The following CCDC171 variants were observed in gnomAD, a reference collection of about 807,000 sequenced individuals.
CCDC171 encodes the protein coiled-coil domain containing 171.
CCDC171 carries 177 observed loss-of-function variants against 168.2 expected under a neutral mutation model. That is an observed-to-expected ratio of 1.05 (90% CI 0.93 to 1.19). The LOEUF (loss-of-function observed/expected upper bound fraction) is 1.19, where lower values mean the gene tolerates loss of function less well. Ranked by LOEUF, CCDC171 falls within the 50% of genes most tolerant of loss-of-function variation. CCDC171 has a pLI of 0.00. For missense variants in CCDC171, 1,991 were observed against 1,539.0 expected, an observed-to-expected ratio of 1.29 and a Z score of -4.91; for synonymous variants, 687 against 540.8, an observed-to-expected ratio of 1.27 and a Z score of -3.75.
At chr9:16,031,552 T>C (rs1833364061) in intron 6 of CCDC171, among the ~76,000 whole-genome samples, 1 of 152,148 alleles carries the variant, frequency 6.6e-6, no homozygotes, top group East Asian at 1.9e-4. Context: ...AAAAACCAAG[T>C]TGTTCATGGT....
intron 3 of CCDC171, among the ~76,000 whole-genome samples, chr9:15,992,019 A>G (rs1235171886): frequency 6.6e-6 from 1 of 152,238 alleles, no homozygotes; most frequent in Non-Finnish European, 1.5e-5. Context: ...AGCTGGCTCC[A>G]TTCCTTCTGA....
chr9:15,803,645 T>C (rs1199941978), intron 21 of CCDC171, among the ~76,000 whole-genome samples: 1 of 152,196 alleles, frequency 6.6e-6, no homozygotes, highest in Non-Finnish European at 1.5e-5. Flanking sequence ...ACCAGTACCA[T>C]GCTGTTTTGA....
At chr9:15,821,971 A>G in intron 21 of CCDC171, among the ~76,000 whole-genome samples, 1 of 152,058 alleles carries the variant, frequency 6.6e-6, no homozygotes, top group Non-Finnish European at 1.5e-5. Flanking sequence ...CCATGGTAGT[A>G]TTACCAAAAC....
chr9:15,676,397 C>G (rs1175421798), intron 9 of CCDC171, among the ~76,000 whole-genome samples: 1 of 151,994 alleles, frequency 6.6e-6, no homozygotes, highest in Non-Finnish European at 1.5e-5. Context: ...AACTCATTCT[C>G]CATCCGGTTT....
chr9:15,796,316 T>G (rs1485313991), intron 21 of CCDC171, among the ~76,000 whole-genome samples: 3 of 151,666 alleles, frequency 2.0e-5, no homozygotes, highest in African/African-American at 7.3e-5. Context: ...TGATGGATAA[T>G]AAGAAATTAA....
intron 25 of CCDC171, among the ~76,000 whole-genome samples, chr9:15,950,815 A>G (rs1215170980): frequency 2.0e-5 from 3 of 151,866 alleles, no homozygotes; most frequent in African/African-American, 7.2e-5. Context: ...TCCAATTAAA[A>G]GACACAGACT....
chr9:15,930,043 A>C (rs1468049231), intron 25 of CCDC171, among the ~76,000 whole-genome samples: 1 of 151,762 alleles, frequency 6.6e-6, no homozygotes, highest in Non-Finnish European at 1.5e-5. Flanking sequence ...TTAGTTGTGT[A>C]TGTATTAGCA....
intron 2 of CCDC171, among the ~76,000 whole-genome samples, chr9:15,565,029 A>G (rs938479408): frequency 6.6e-6 from 1 of 151,426 alleles, no homozygotes; most frequent in Non-Finnish European, 1.5e-5. Context: ...CAAGACTAAC[A>G]TGTAATTTAC....
chr9:15,941,772 T>C (rs1326152749), intron 25 of CCDC171, among the ~76,000 whole-genome samples: 1 of 151,986 alleles, frequency 6.6e-6, no homozygotes, highest in Non-Finnish European at 1.5e-5. Context: ...CAATATTATA[T>C]AAAAGAAGAC....
At chr9:15,953,125 A>T (rs1451470147) in intron 25 of CCDC171, among the ~76,000 whole-genome samples, 1 of 152,162 alleles carries the variant, frequency 6.6e-6, no homozygotes, top group Admixed American at 6.6e-5. Flanking sequence ...ATCATCTGCA[A>T]AGAAAGATAA....
intron 16 of CCDC171, among the ~76,000 whole-genome samples, chr9:15,738,590 C>T (rs2054640776): frequency 6.6e-6 from 1 of 151,900 alleles, no homozygotes; most frequent in South Asian, 2.1e-4. Context: ...AAAATACTGG[C>T]CTTTAATCTC....
intron 10 of CCDC171, among the ~76,000 whole-genome samples, chr9:15,685,672 A>AAAAAC (rs2050344500): frequency 6.6e-6 from 1 of 152,116 alleles, no homozygotes; most frequent in Non-Finnish European, 1.5e-5. Flanking sequence ...CCAGCATTTA[A>AAAAAC]AAAACAAAAC....
intron 24 of CCDC171, among the ~76,000 whole-genome samples, chr9:15,902,703 C>T (rs143539502): frequency 0.023 from 3,531 of 152,232 alleles, 138 homozygotes; most frequent in African/African-American, 0.081. Context: ...GTGGGTGCAG[C>T]GCACCGAGCA....
intron 23 of CCDC171, among the ~76,000 whole-genome samples, chr9:15,856,916 G>T (rs374107397): frequency 6.6e-6 from 1 of 151,952 alleles, no homozygotes; most frequent in Non-Finnish European, 1.5e-5. Flanking sequence ...TAGGTATGAG[G>T]TGATACCTCA....
At chr9:16,084,630 A>T in the CCDC171 span, among the ~76,000 whole-genome samples, 1 of 152,030 alleles carries the variant, frequency 6.6e-6, no homozygotes, top group Non-Finnish European at 1.5e-5. Context: ...GCCTCCTCAA[A>T]CTTCCTACTG....
chr9:15,617,477 T>C (rs766812645), intron 6 of CCDC171, among the ~76,000 whole-genome samples: 6 of 151,372 alleles, frequency 4.0e-5, no homozygotes, highest in South Asian at 2.1e-4. Flanking sequence ...CCTGGGTTCA[T>C]GCCATTCTCC....
chr9:15,749,744 G>A (rs940682497), intron 18 of CCDC171, among the ~76,000 whole-genome samples: 1 of 152,008 alleles, frequency 6.6e-6, no homozygotes, highest in Non-Finnish European at 1.5e-5. Context: ...ACAAAATGAA[G>A]GCAGAAATAA....
At chr9:15,560,016 T>G (rs1417043210) in intron 1 of CCDC171, among the ~76,000 whole-genome samples, 2 of 152,170 alleles carry the variant, frequency 1.3e-5, no homozygotes, top group African/African-American at 4.8e-5. Context: ...GATATGAAAT[T>G]CTGGGTTGAA....
intron 18 of CCDC171, among the ~76,000 whole-genome samples, chr9:15,746,297 C>T (rs1301686662): frequency 6.6e-6 from 1 of 152,118 alleles, no homozygotes; most frequent in East Asian, 1.9e-4. Flanking sequence ...GAAATGTAAG[C>T]CTATATGTAA....
Sources: gnomAD v4.1 joint callset for allele counts (sites outside exome capture counted in the v4.1 genomes callset) on GRCh38, gnomAD v4.1.1 for gene constraint, MANE v1.5 for transcripts, NCBI Gene and HGNC (gene_info 2026-07-23, HGNC 2026-07-21) for gene names.